ADCY2: variants seen among roughly 807,000 people sequenced by gnomAD.
ADCY2 encodes the protein adenylate cyclase 2, also known as adenylate cyclase type 2.
A neutral mutation model predicts 125.2 loss-of-function variants in ADCY2; 31 were observed. The observed-to-expected ratio is 0.25, with a 90% CI of 0.19 to 0.33. The LOEUF (loss-of-function observed/expected upper bound fraction) is 0.33. ADCY2 is among the 10% of genes least tolerant of loss of function. ADCY2 has a pLI of 1.00. For missense variants in ADCY2, 904 were observed against 1,418.2 expected (o/e 0.64, Z 5.82); for synonymous variants, 512 against 548.4 (o/e 0.93, Z 0.93).
intron 24 of ADCY2, among the ~76,000 whole-genome samples, chr5:7,822,701 C>T (rs971351633): frequency 6.9e-6 from 1 of 145,734 alleles, no homozygotes; most frequent in Non-Finnish European, 1.5e-5. Context: ...AAGTGAGAAG[C>T]GTGTGTGCAT....
chr5:7,709,963 T>C lies in ADCY2; in HGVS notation c.1578+576T>C, dbSNP rs114606334. The stretch of plus-strand genomic sequence containing the variant: ...GCCCATAGGAGGAGAGAAAAGTAAA[T>C]ACAACCAAGCACTTAGGATAATCCC... On this transcript the variant is annotated intron_variant, in intron 10 of 24. Transcript: ENST00000338316. This position sits in a 1 kb window ranked among gnomAD's most constrained non-coding sequence, Gnocchi z 4.4. Among the ~76,000 whole-genome samples the C allele has an allele frequency of 0.012, 1,862 of 152,284 alleles. 31 individuals carry two copies. The highest frequency in any genetic ancestry group is 0.042 in the African/African-American group (1,761 of 41,542).
intron 3 of ADCY2, among the ~76,000 whole-genome samples, chr5:7,589,512 A>AAGAAAGAAAGG (rs1736772141): frequency 5.6e-5 from 4 of 71,276 alleles, no homozygotes; most frequent in Non-Finnish European, 1.4e-4. Flanking sequence ...GAAAGAAAGA[A>AAGAAAGAAAGG]AAGAAAAGAA....
intron 4 of ADCY2, among the ~76,000 whole-genome samples, chr5:7,684,766 C>G (rs1187013309): frequency 9.6e-6 from 1 of 104,150 alleles, no homozygotes; most frequent in African/African-American, 3.5e-5. Context: ...ACATCTATGT[C>G]TGTTGTGCCT....
At position 7,802,397 on chromosome 5, in the gene ADCY2, A is replaced by G. The variant is rs1422132322; in HGVS notation, c.2775+33A>G. ...CTGAGAGTTGCCCTCGAAGGGCAGCAGTACACTCAGTCTCACACCTGTGCA... is the reference window on the plus strand; with the variant it reads ...CTGAGAGTTGCCCTCGAAGGGCAGCGGTACACTCAGTCTCACACCTGTGCA... On this transcript the variant is annotated intron_variant, in intron 21 of 24. Coordinates refer to ENST00000338316, the MANE Select transcript of ADCY2 (RefSeq NM_020546.3). The surrounding 1 kb of genome is among the most constrained non-coding windows in gnomAD (Gnocchi z 4.6). The G allele has an allele frequency of 6.2e-7, 1 of 1,607,582 alleles. No individual in the cohort carries two copies. The highest frequency in any genetic ancestry group is 1.3e-5 in the African/African-American group (1 of 74,816).
chr5:7,455,260 G>A (rs1015385625), intron 2 of ADCY2, among the ~76,000 whole-genome samples: 8 of 152,184 alleles, frequency 5.3e-5, no homozygotes, highest in African/African-American at 1.4e-4. Flanking sequence ...TTGATATTTT[G>A]TTAGTAAAGA....
intron 1 of ADCY2, among the ~76,000 whole-genome samples, chr5:7,401,597 G>T (rs778461448): frequency 6.6e-6 from 1 of 152,116 alleles, no homozygotes; most frequent in Non-Finnish European, 1.5e-5. Flanking sequence ...ATTCACTGAC[G>T]TGCTGGCATT....
At chr5:7,675,743 T>C (rs1482546807) in intron 4 of ADCY2, among the ~76,000 whole-genome samples, 1 of 152,102 alleles carries the variant, frequency 6.6e-6, no homozygotes. Context: ...GCCACAACTC[T>C]CTAGAATGTT....
At chr5:7,655,167 TG>T (rs891756073) in intron 4 of ADCY2, among the ~76,000 whole-genome samples, 2 of 152,178 alleles carry the variant, frequency 1.3e-5, no homozygotes, top group African/African-American at 2.4e-5. Context: ...GTAAAGTGGT[TG>T]TGTAGGAAAG....
At chr5:7,623,378 AT>A (rs1738020575) in intron 3 of ADCY2, among the ~76,000 whole-genome samples, 3 of 152,270 alleles carry the variant, frequency 2.0e-5, no homozygotes, top group African/African-American at 4.8e-5. Flanking sequence ...CATTTCCTGC[AT>A]TCTTTGGTGC....
At position 7,606,395 on chromosome 5, in the gene ADCY2, G is replaced by A. The variant is rs184534390; in HGVS notation, c.571-19772G>A. On this transcript the variant is annotated intron_variant, in intron 3 of 24. Coordinates refer to ENST00000338316, the MANE Select transcript of ADCY2 (RefSeq NM_020546.3). Reference sequence around the variant, plus strand: ...GCTTATGTCCAATGGTGATGTGGAGGTAAAAATGAAGGGGAAGCCTGGAAA... The same window carrying A: ...GCTTATGTCCAATGGTGATGTGGAGATAAAAATGAAGGGGAAGCCTGGAAA... Among the ~76,000 whole-genome samples, 460 of 152,294 alleles carry A rather than the reference G, an allele frequency of 3.0e-3. 1 individual carries two copies. Among genetic ancestry groups the A allele is most frequent in the Admixed American group, 5.7e-3 (87 of 15,280 alleles).
intron 2 of ADCY2, among the ~76,000 whole-genome samples, chr5:7,417,546 G>T (rs1001443760): frequency 6.6e-6 from 1 of 152,232 alleles, no homozygotes; most frequent in African/African-American, 2.4e-5. Flanking sequence ...GAACATGGAA[G>T]ATTCCAGTAA....
At chr5:7,714,288 AGTCTCTTCTGTTATCT>A (rs1198578938) in intron 11 of ADCY2, among the ~76,000 whole-genome samples, 1 of 152,188 alleles carries the variant, frequency 6.6e-6, no homozygotes, top group East Asian at 1.9e-4. Context: ...TTATATTCAT[AGTCTCTTCTGTTATCT>A]GTCTCTTCCT....
intron 2 of ADCY2, among the ~76,000 whole-genome samples, chr5:7,461,633 G>A (rs932101559): frequency 6.6e-6 from 1 of 152,124 alleles, no homozygotes; most frequent in African/African-American, 2.4e-5. Context: ...GAATTTCATT[G>A]AGCCACTCTT....
At chr5:7,507,440 C>CA (rs766601693) in intron 2 of ADCY2, among the ~76,000 whole-genome samples, 116 of 46,826 alleles carry the variant, frequency 2.5e-3, no homozygotes, top group Middle Eastern at 0.011. Flanking sequence ...GACTCCGTCT[C>CA]AAAAAAAAAA....
At chr5:7,424,800 T>C (rs1448606892) in intron 2 of ADCY2, among the ~76,000 whole-genome samples, 4 of 152,192 alleles carry the variant, frequency 2.6e-5, no homozygotes, top group African/African-American at 9.7e-5. Context: ...TGTTGGGGAA[T>C]CAACTAAAAC....
At chr5:7,739,643 A>G (rs1278166024) in intron 14 of ADCY2, among the ~76,000 whole-genome samples, 1 of 151,380 alleles carries the variant, frequency 6.6e-6, no homozygotes, top group African/African-American at 2.4e-5. Context: ...AAAAAGACTG[A>G]AAATTCCTAA....
intron 14 of ADCY2, among the ~76,000 whole-genome samples, chr5:7,733,020 A>G (rs1357205150): frequency 6.6e-6 from 1 of 152,222 alleles, no homozygotes; most frequent in Non-Finnish European, 1.5e-5. Context: ...TCAAGCATGA[A>G]TTGCTTTTTT....
intron 2 of ADCY2, among the ~76,000 whole-genome samples, chr5:7,486,408 C>A (rs1055556513): frequency 6.6e-6 from 1 of 152,126 alleles, no homozygotes; most frequent in Non-Finnish European, 1.5e-5. Flanking sequence ...ACTTTCTGTG[C>A]GAATTTCTCC....
intron 22 of ADCY2, among the ~76,000 whole-genome samples, chr5:7,810,260 A>G (rs1021177659): frequency 3.3e-5 from 5 of 152,040 alleles, no homozygotes; most frequent in Non-Finnish European, 5.9e-5. Context: ...TTGATGGGTT[A>G]TCTACCTGAT....
Sources: allele counts gnomAD v4.1 joint callset (sites outside exome capture counted in the v4.1 genomes callset), GRCh38; gene constraint gnomAD v4.1.1; non-coding constraint Gnocchi (gnomAD v3.1); transcripts MANE v1.5; gene names NCBI Gene and HGNC (gene_info 2026-07-23, HGNC 2026-07-21).